The following ATP11A variants were observed in gnomAD, a reference collection of about 807,000 sequenced individuals.
ATP11A encodes ATPase phospholipid transporting 11A, also known as phospholipid-transporting ATPase IH.
A neutral mutation model predicts 154.4 loss-of-function variants in ATP11A; 81 were observed. That is an observed-to-expected ratio of 0.52 (90% confidence interval 0.44 to 0.63). ATP11A has a LOEUF of 0.63. Among genes scored for constraint, ATP11A ranks in the 30% least tolerant of loss-of-function variants. The pLI is 0.00. For synonymous variants in ATP11A, 623 were observed against 585.9 expected, an observed-to-expected ratio of 1.06 and a Z score of -0.91; for missense variants, 1,316 against 1,474.3, an observed-to-expected ratio of 0.89 and a Z score of 1.76.
intron 17 of ATP11A, among the ~76,000 whole-genome samples, chr13:112,850,677 AG>A (rs1346015517): frequency 1.3e-5 from 2 of 152,128 alleles, no homozygotes; most frequent in Non-Finnish European, 2.9e-5. Context: ...TAAAAAAAAA[AG>A]GTTAAATTTA....
intron 20 of ATP11A, 52 bp from the exon 21 acceptor site, chr13:112,857,766 C>G: frequency 7.0e-7 from 1 of 1,435,972 alleles, no homozygotes; most frequent in Non-Finnish European, 9.8e-7. Flanking sequence ...AATGAATAAC[C>G]TGTTCAGAAG....
chr13:112,823,552 C>G (rs574147499), intron 9 of ATP11A, 143 bp downstream of exon 9: 146 of 630,754 alleles, frequency 2.3e-4, no homozygotes, highest in African/African-American at 2.3e-3. Flanking sequence ...TTCTGCCCCA[C>G]TGAGATTTGA....
In ATP11A at chr13:112,708,771, G is replaced by A. The variant is rs60595464; in HGVS notation, c.39+18316G>A. Among the ~76,000 whole-genome samples the A allele has an allele frequency of 1.5e-4, 23 of 152,272 alleles. No individual in the cohort carries two copies. The East Asian group carries it at 2.3e-3, about 15-fold the overall frequency. On this transcript the variant is annotated intron_variant, in intron 1 of 29. Coordinates refer to ENST00000375645, the MANE Select transcript of ATP11A (RefSeq NM_015205.3). ...CTGTGAGTTGGTCCCACCCCTGCCC[G>A]ACAAGCCTGTAGCTTTGGTCGTCTT... is the stretch of plus-strand genomic sequence containing the variant.
chr13:112,856,173 A>G lies in ATP11A; in HGVS notation c.2418+88A>G. On this transcript the variant is annotated intron_variant, in intron 20 of 29. Transcript: ENST00000375645. The stretch of plus-strand genomic sequence containing the variant: ...TTAGGTCTCACCGCCTCAGATTGTT[A>G]AACAATCTAGCAGGGTACCACCTGT... 16 of 1,300,882 alleles carry G rather than the reference A, an allele frequency of 1.2e-5. No individual in the cohort carries two copies. In the South Asian group the frequency reaches 1.7e-4, roughly 14 times the overall value. The allele number at this position is 1,300,882 out of a possible 1,614,324, so 80.6% of individuals were successfully genotyped here. A position where few individuals can be genotyped will look rare whatever the true frequency, so the allele number is the denominator to read the frequency against.
At chr13:112,880,969 G>C (rs1467732338) in intron 29 of ATP11A, 10 of 992,102 alleles carry the variant, frequency 1.0e-5, no homozygotes, top group Non-Finnish European at 1.2e-5. Flanking sequence ...CACTTAAAAG[G>C]CCCATCAGGA....
At chr13:112,806,345 T>C (rs2140142733) in intron 4 of ATP11A, 52 bp downstream of exon 4, 2 of 1,386,608 alleles carry the variant, frequency 1.4e-6, no homozygotes, top group Non-Finnish European at 1.0e-6. Flanking sequence ...ACCATGTGAA[T>C]TGCCTTTCAT....
At position 112,831,386 on chromosome 13, in the gene ATP11A, C is replaced by G; in HGVS notation, c.1233C>G (p.Ile411Met). The change falls in exon 13 of 30, where the codon ATC becomes ATG. Residue 411 changes from isoleucine to methionine, a missense_variant. Ile to Met is a conservative substitution (Grantham distance 10). Around this residue, in one of 5 missense-constraint regions of ATP11A, gnomAD observed 876 missense variants for 1,006.8 expected, o/e 0.87. Transcript: ENST00000375645. ...TGCCCTGCCCGCAGGTGGAGTACAT[C>G]TTCACAGACAAGACCGGCACCCTCA... ...LNEELGQVEY[I>M]FTDKTGTLTE... 2 of 1,614,118 alleles carry G rather than the reference C, an allele frequency of 1.2e-6. No individual in the cohort carries two copies. The highest frequency in any genetic ancestry group is 1.7e-6 in the Non-Finnish European group (2 of 1,179,942).
intron 18 of ATP11A, 58 bp from the exon 19 acceptor site, chr13:112,854,221 G>T: frequency 1.9e-6 from 3 of 1,542,730 alleles, no homozygotes; most frequent in Non-Finnish European, 2.6e-6. Context: ...TTCCTTATTT[G>T]GATTCCTGGG....
rs754211805 is a variant in ATP11A at position 112,729,700 on chromosome 13, C to T, written c.39+39245C>T. On this transcript the variant is annotated intron_variant, in intron 1 of 29. Coordinates refer to ENST00000375645, the MANE Select transcript of ATP11A (RefSeq NM_015205.3). ...GCCGCAGCGCTCCTGCTATTTTTAG[C>T]GTCCTGCTATCTTTAGCTGATAGAG... Among the ~76,000 whole-genome samples the T allele has an allele frequency of 3.1e-4, 47 of 152,352 alleles. 1 individual carries two copies. Among genetic ancestry groups the T allele is most frequent in the South Asian group, 2.1e-4 (1 of 4,822 alleles).
At chr13:112,772,608 A>G (rs1299251359) in intron 1 of ATP11A, among the ~76,000 whole-genome samples, 1 of 141,950 alleles carries the variant, frequency 7.0e-6, no homozygotes, top group Non-Finnish European at 1.6e-5. Context: ...CCCCGTGCCC[A>G]GTACCAGGTG....
rs990483022 is a variant in ATP11A at position 112,697,791 on chromosome 13, C to T, written c.39+7336C>T. 3.4e-5 allele frequency among the ~76,000 whole-genome samples: 5 copies of T among 147,098 alleles called. No homozygotes were observed. Among genetic ancestry groups the T allele is most frequent in the Non-Finnish European group, 7.4e-5 (5 of 67,540 alleles). On this transcript the variant is annotated intron_variant, in intron 1 of 29. Coordinates refer to ENST00000375645, the MANE Select transcript of ATP11A (RefSeq NM_015205.3). This position sits in a 1 kb window ranked among gnomAD's most constrained non-coding sequence, Gnocchi z 4.0. ...GTTTCACCATATTGGCCAGGCTGGTCTCGAACTCCTGACCTCAGATGATCC... is the reference window on the plus strand; with the variant it reads ...GTTTCACCATATTGGCCAGGCTGGTTTCGAACTCCTGACCTCAGATGATCC...
At chr13:112,808,697 C>G (rs1428615478) in intron 4 of ATP11A, among the ~76,000 whole-genome samples, 1 of 152,190 alleles carries the variant, frequency 6.6e-6, no homozygotes, top group Non-Finnish European at 1.5e-5. Context: ...CCCCGCCTCT[C>G]TTTTCACACC....
intron 20 of ATP11A, 87 bp downstream of exon 20, chr13:112,856,172 T>A: frequency 7.5e-7 from 1 of 1,325,254 alleles, no homozygotes; most frequent in Non-Finnish European, 1.0e-6. Context: ...CTCAGATTGT[T>A]AAACAATCTA....
In ATP11A at chr13:112,733,804, C is replaced by T. The variant is rs549620985; in HGVS notation, c.39+43349C>T. ...TTTTGGTTTCTGTTTTGTCTAAGAG[C>T]TCCAGAAATTCCTTGCTGACATTGT... On this transcript the variant is annotated intron_variant, in intron 1 of 29. Transcript: ENST00000375645. Among the ~76,000 whole-genome samples, 12 of 152,258 alleles carry T rather than the reference C, an allele frequency of 7.9e-5. No individual in the cohort carries two copies. In the South Asian group the frequency reaches 2.5e-3, roughly 32 times the overall value.
chr13:112,787,826 G>A (rs942485824), intron 2 of ATP11A, among the ~76,000 whole-genome samples: 9 of 139,686 alleles, frequency 6.4e-5, no homozygotes, highest in African/African-American at 1.1e-4. Flanking sequence ...AATTCACACC[G>A]GTGTCCTAAT....
intron 5 of ATP11A, among the ~76,000 whole-genome samples, chr13:112,811,277 C>T (rs2078493130): frequency 6.6e-6 from 1 of 151,452 alleles, no homozygotes; most frequent in African/African-American, 2.4e-5. Context: ...CCCATCCCCA[C>T]ACACACCCTC....
intron 1 of ATP11A, among the ~76,000 whole-genome samples, chr13:112,734,179 A>G (rs1890770748): frequency 6.6e-6 from 1 of 152,144 alleles, no homozygotes; most frequent in Non-Finnish European, 1.5e-5. Context: ...TTGAGAAACT[A>G]AGCCCTCTGG....
intron 3 of ATP11A, among the ~76,000 whole-genome samples, 191 bp from the exon 4 acceptor site, chr13:112,806,022 G>A (rs147539563): frequency 3.9e-4 from 60 of 152,130 alleles, no homozygotes; most frequent in Middle Eastern, 6.8e-3. Flanking sequence ...TTTAAAAAAG[G>A]TGCCCTCATT....
chr13:112,773,012 A>G lies in ATP11A; in HGVS notation c.40-12123A>G, dbSNP rs920495032. On this transcript the variant is annotated intron_variant, in intron 1 of 29. Transcript: ENST00000375645. ...AAGCCCAAGAACCCTGAGTGTGTCC[A>G]CGTGGGCCATACAGGGAAGGCCTGG... is the stretch of plus-strand genomic sequence containing the variant. Among the ~76,000 whole-genome samples the G allele has an allele frequency of 2.9e-4, 44 of 152,136 alleles. 1 individual carries two copies. The highest frequency in any genetic ancestry group is 1.2e-4 in the Non-Finnish European group (8 of 68,018).
Sources: gnomAD v4.1 joint callset for allele counts (sites outside exome capture counted in the v4.1 genomes callset) on GRCh38, gnomAD v4.1.1 for gene constraint, gnomAD v4.1.1 regional missense constraint, Gnocchi (gnomAD v3.1) non-coding constraint, MANE v1.5 for transcripts, NCBI Gene and HGNC (gene_info 2026-07-23, HGNC 2026-07-21) for gene names.